The following SLC8A2 variants were observed in gnomAD, a reference collection of about 807,000 sequenced individuals.
SLC8A2 encodes the protein solute carrier family 8 member A2.
A neutral mutation model predicts 70.2 loss-of-function variants in SLC8A2; 14 were observed. That is an observed-to-expected ratio of 0.20 (90% CI 0.13 to 0.31). The LOEUF is 0.31. SLC8A2 is among the 10% of genes least tolerant of loss of function. The pLI, the probability that SLC8A2 is intolerant of heterozygous loss-of-function variation, is 1.00. For missense variants in SLC8A2, 779 were observed against 1,320.1 expected, an observed-to-expected ratio of 0.59 and a Z score of 6.35; for synonymous variants, 575 against 594.3, an observed-to-expected ratio of 0.97 and a Z score of 0.47.
chr19:47,437,990 G>T lies in SLC8A2; in HGVS notation c.1886-17C>A, dbSNP rs370294158. ...CCCCATCCCCTGCAGCATGAGGGGT[G>T]GGGGTTAGACTCCTGGGAGACCTAC... is the stretch of plus-strand genomic sequence containing the variant. On this transcript the variant is annotated splice_polypyrimidine_tract_variant and intron_variant, in intron 6 of 9. Transcript: ENST00000236877. The T allele has an allele frequency of 6.2e-7, 1 of 1,613,984 alleles. No individual in the cohort carries two copies. Among genetic ancestry groups the T allele is most frequent in the Non-Finnish European group, 8.5e-7 (1 of 1,179,976 alleles).
In SLC8A2 at chr19:47,466,525, C is replaced by T; in HGVS notation, c.-16-106G>A. ...GAGGGTTGGGGGAGAAGCTGAGGAC[C>T]AATGCAGGCAGGATGGGGACTGAGG... On this transcript the variant is annotated intron_variant, in intron 1 of 9. Transcript: ENST00000236877. The surrounding 1 kb of genome is among the most constrained non-coding windows in gnomAD (Gnocchi z 6.9). 1 of 572,704 alleles carries T rather than the reference C, an allele frequency of 1.7e-6. No individual in the cohort carries two copies. The highest frequency in any genetic ancestry group is 3.3e-5 in the Admixed American group (1 of 30,578). 35.5% of individuals were successfully genotyped at this position (572,704 alleles called of 1,614,324 possible). A position where few individuals can be genotyped will look rare whatever the true frequency, so the allele number is the denominator to read the frequency against.
intron 8 of SLC8A2, among the ~76,000 whole-genome samples, 153 bp downstream of exon 8, chr19:47,437,309 C>T (rs1038699478): frequency 1.3e-5 from 2 of 151,986 alleles, no homozygotes; most frequent in African/African-American, 2.4e-5. Context: ...GCAATCCTCC[C>T]GCCTCACCCT....
intron 7 of SLC8A2, 76 bp downstream of exon 7, chr19:47,437,773 G>T: frequency 1.3e-6 from 2 of 1,565,496 alleles, no homozygotes; most frequent in Non-Finnish European, 1.8e-6. Context: ...GAACCTTGTG[G>T]CTCCCCGCTT....
chr19:47,440,843 G>A (rs1236358802), intron 6 of SLC8A2, among the ~76,000 whole-genome samples: 2 of 151,968 alleles, frequency 1.3e-5, no homozygotes, highest in African/African-American at 4.8e-5. Flanking sequence ...CACTCTCCTC[G>A]GCCTCCCAAA....
At chr19:47,451,472 C>T (rs1220349942) in intron 3 of SLC8A2, among the ~76,000 whole-genome samples, 1 of 151,800 alleles carries the variant, frequency 6.6e-6, no homozygotes, top group Non-Finnish European at 1.5e-5. Flanking sequence ...CCACATCTGG[C>T]TAATTTTTAT....
At chr19:47,462,559 C>T (rs1024107956) in intron 2 of SLC8A2, among the ~76,000 whole-genome samples, 3 of 150,924 alleles carry the variant, frequency 2.0e-5, no homozygotes, top group Admixed American at 6.6e-5. Flanking sequence ...CCTTTGCGCC[C>T]GGCCTATGTA....
In SLC8A2 at chr19:47,465,595, C is replaced by T; in HGVS notation, c.675+134G>A. ...TTGTGTAGTCTGGTGACCTGCACAA[C>T]CGTACTTGGCAGCCCTCTCAGATGT... On this transcript the variant is annotated intron_variant, in intron 2 of 9. Transcript: ENST00000236877. The surrounding 1 kb of genome is among the most constrained non-coding windows in gnomAD (Gnocchi z 5.5). The T allele has an allele frequency of 2.5e-6, 2 of 796,210 alleles. No homozygotes were observed. 49.3% of individuals were successfully genotyped at this position (796,210 alleles called of 1,614,324 possible). A position where few individuals can be genotyped will look rare whatever the true frequency, so the allele number is the denominator to read the frequency against.
chr19:47,459,436 C>G (rs1967360658), intron 2 of SLC8A2, among the ~76,000 whole-genome samples: 2 of 152,056 alleles, frequency 1.3e-5, no homozygotes, highest in Non-Finnish European at 2.9e-5. Context: ...GTTTCTTTCT[C>G]TTTCTCAGTA....
chr19:47,458,440 C>G (rs964026408), intron 2 of SLC8A2, among the ~76,000 whole-genome samples: 2 of 128,150 alleles, frequency 1.6e-5, no homozygotes, highest in Admixed American at 1.7e-4. Context: ...TTCTCCGTTT[C>G]CCCCCATTTC....
intron 2 of SLC8A2, among the ~76,000 whole-genome samples, chr19:47,462,877 T>C (rs947528845): frequency 6.6e-6 from 1 of 151,990 alleles, no homozygotes. Context: ...CGTGAGCCAC[T>C]GTGCCCGGCC....
intron 1 of SLC8A2, among the ~76,000 whole-genome samples, chr19:47,467,755 C>T (rs1967481764): frequency 6.8e-6 from 1 of 147,746 alleles, no homozygotes; most frequent in Non-Finnish European, 1.5e-5. Flanking sequence ...CACTTTGAGG[C>T]TGAGGCGGGT....
chr19:47,467,187 T>C (rs1003765243), intron 1 of SLC8A2, among the ~76,000 whole-genome samples: 1 of 152,172 alleles, frequency 6.6e-6, no homozygotes, highest in African/African-American at 2.4e-5. Context: ...TATAGAGCAC[T>C]GAAAAGGGAG....
chr19:47,435,438 A>C (rs976226822), intron 8 of SLC8A2, among the ~76,000 whole-genome samples: 2 of 151,758 alleles, frequency 1.3e-5, no homozygotes, highest in Admixed American at 6.6e-5. Flanking sequence ...AAGTCCCCAG[A>C]GGAAGGAAAT....
At chr19:47,463,004 C>G (rs888391111) in intron 2 of SLC8A2, among the ~76,000 whole-genome samples, 1 of 152,158 alleles carries the variant, frequency 6.6e-6, no homozygotes, top group African/African-American at 2.4e-5. Context: ...GCAATGGTTT[C>G]TGATCTTTTT....
At position 47,442,572 on chromosome 19, in the gene SLC8A2, A is replaced by G. The variant is rs372734492; in HGVS notation, c.1764-1132T>C. ...GCTCCCTTCCTCAGTTCTTCATTCA[A>G]ACTTCACCTTCTCAATGGGGCCCAC... On this transcript the variant is annotated intron_variant, in intron 4 of 9. Coordinates refer to ENST00000236877, the MANE Select transcript of SLC8A2 (RefSeq NM_015063.3). Among the ~76,000 whole-genome samples, 31 of 152,094 alleles carry G rather than the reference A, an allele frequency of 2.0e-4. 1 individual carries two copies. The highest frequency in any genetic ancestry group is 9.7e-4 in the East Asian group (5 of 5,164).
rs1967180193 is a variant in SLC8A2 at position 47,447,530 on chromosome 19, C to G, written c.1763+279G>C. The G allele has an allele frequency of 1.2e-5, 6 of 498,966 alleles. No individual in the cohort carries two copies. The highest frequency in any genetic ancestry group is 2.1e-5 in the Non-Finnish European group (6 of 282,934). 30.9% of individuals were successfully genotyped at this position (498,966 alleles called of 1,614,324 possible). ...GTAGACACAGCACACCTAGGCCCCG[C>G]CCCTCCCGAGGCCAAGCCCACTTTG... On this transcript the variant is annotated intron_variant, in intron 4 of 9. Coordinates refer to ENST00000236877, the MANE Select transcript of SLC8A2 (RefSeq NM_015063.3). This position sits in a 1 kb window ranked among gnomAD's most constrained non-coding sequence, Gnocchi z 5.1.
At chr19:47,461,282 G>A (rs1967391771) in intron 2 of SLC8A2, among the ~76,000 whole-genome samples, 1 of 151,946 alleles carries the variant, frequency 6.6e-6, no homozygotes. Context: ...GCCAAAGTGG[G>A]TGGATCACTT....
chr19:47,447,441 G>T lies in SLC8A2; in HGVS notation c.1763+368C>A. The T allele has an allele frequency of 3.3e-6, 1 of 298,782 alleles. No individual in the cohort carries two copies. The highest frequency in any genetic ancestry group is 4.1e-5 in the South Asian group (1 of 24,592). The allele number at this position is 298,782 out of a possible 1,614,324, so 18.5% of individuals were successfully genotyped here. On this transcript the variant is annotated intron_variant, in intron 4 of 9. Transcript: ENST00000236877. The surrounding 1 kb of genome is among the most constrained non-coding windows in gnomAD (Gnocchi z 5.1). Reference sequence around the variant, plus strand: ...TTGGGGCCCTCTTCTCACCTGTCCGGCCACCCTTCTAGGCCTCGCCTCTTC... The same window carrying T: ...TTGGGGCCCTCTTCTCACCTGTCCGTCCACCCTTCTAGGCCTCGCCTCTTC...
At position 47,459,674 on chromosome 19, in the gene SLC8A2, TG is replaced by T. The variant is rs561198472; in HGVS notation, c.676-2081del. Among the ~76,000 whole-genome samples, 51 of 150,346 alleles carry T rather than the reference TG, an allele frequency of 3.4e-4. No individual in the cohort carries two copies. The South Asian group carries it at 0.011, about 31-fold the overall frequency. ...GTGTGTGTCCTTCTGTGTGTGTGCATGTGTGTGTGTGCATGGGTGTGTCCTT... is the reference window on the plus strand; with the variant it reads ...GTGTGTGTCCTTCTGTGTGTGTGCATTGTGTGTGTGCATGGGTGTGTCCTT... On this transcript the variant is annotated intron_variant, in intron 2 of 9. Coordinates refer to ENST00000236877, the MANE Select transcript of SLC8A2 (RefSeq NM_015063.3).
Sources: gnomAD v4.1 joint callset for allele counts (sites outside exome capture counted in the v4.1 genomes callset) on GRCh38, gnomAD v4.1.1 for gene constraint, Gnocchi (gnomAD v3.1) non-coding constraint, MANE v1.5 for transcripts, NCBI Gene and HGNC (gene_info 2026-07-23, HGNC 2026-07-21) for gene names.